MSH3: variants seen among roughly 807,000 people sequenced by gnomAD.
MSH3 encodes mutS homolog 3, also known as DNA mismatch repair protein Msh3.
MSH3 carries 106 observed loss-of-function variants against 123.3 expected under a neutral mutation model. That is an observed-to-expected ratio of 0.86 (90% CI 0.73 to 1.01). MSH3 has a LOEUF of 1.01. Among genes scored for constraint, MSH3 ranks in the 50% least tolerant of loss-of-function variants. The pLI is 0.00. For synonymous variants in MSH3, 515 were observed against 481.4 expected, an observed-to-expected ratio of 1.07 and a Z score of -0.91; for missense variants, 1,459 against 1,347.6, an observed-to-expected ratio of 1.08 and a Z score of -1.29.
At chr5:80,863,253 G>A (rs1411011997) in intron 21 of MSH3, among the ~76,000 whole-genome samples, 2 of 152,206 alleles carry the variant, frequency 1.3e-5, no homozygotes, top group African/African-American at 2.4e-5. Context: ...TCAAATATGA[G>A]TGACCATGGC....
In MSH3 at chr5:80,778,771, A is replaced by G. The variant is rs1278142628; in HGVS notation, c.2370A>G (p.Arg790=). ...CTCCTTTTATTGTAGAAAATTACAG[A>G]CATCTGAATCAGCTCCGGGAGCAGC... is the stretch of plus-strand genomic sequence containing the variant. ...FHSPFIVENY[R]HLNQLREQLV... Residue 790 remains arginine (R), a synonymous_variant, in exon 17 of 24, where the codon AGA becomes AGG. Coordinates refer to ENST00000265081, the MANE Select transcript of MSH3 (RefSeq NM_002439.5). The G allele has an allele frequency of 4.1e-5, 66 of 1,613,484 alleles. No homozygotes were observed. The highest frequency in any genetic ancestry group is 5.6e-5 in the Non-Finnish European group (66 of 1,179,512).
At chr5:80,781,750 T>C (rs1744413992) in intron 17 of MSH3, among the ~76,000 whole-genome samples, 1 of 152,110 alleles carries the variant, frequency 6.6e-6, no homozygotes. Flanking sequence ...CCCTTTGAGG[T>C]GTTTCTTTGA....
chr5:80,761,405 A>G, intron 12 of MSH3, 141 bp from the exon 13 acceptor site: 2 of 1,030,512 alleles, frequency 1.9e-6, no homozygotes, highest in Non-Finnish European at 3.0e-6. Context: ...AGTCCTTCCC[A>G]CATGACTATC....
chr5:80,692,752 A>AGATAAATATACATACACATGTATATGTTT (rs1422472057), intron 8 of MSH3, among the ~76,000 whole-genome samples: 4 of 124,650 alleles, frequency 3.2e-5, no homozygotes, highest in Non-Finnish European at 7.2e-5. Context: ...GTATATGTTT[A>AGATAAATATACATACACATGTATATGTTT]GATAAATATA....
chr5:80,854,390 G>GT (rs1471038547), intron 21 of MSH3, 74 bp downstream of exon 21: 1 of 1,384,328 alleles, frequency 7.2e-7, no homozygotes, highest in Non-Finnish European at 1.0e-6. Flanking sequence ...AGTCATAATT[G>GT]TGCCATATTT....
intron 19 of MSH3, among the ~76,000 whole-genome samples, chr5:80,796,067 A>G (rs1744694580): frequency 6.6e-6 from 1 of 152,064 alleles, no homozygotes; most frequent in Non-Finnish European, 1.5e-5. Flanking sequence ...TTTTCTTGAG[A>G]AAGTAATATA....
Position 80,743,660 on chromosome 5 carries a change from C to T in MSH3, c.1654-846C>T, listed in dbSNP as rs1390098512. 1.7e-4 allele frequency among the ~76,000 whole-genome samples: 3 copies of T among 17,202 alleles called. 1 individual carries two copies. The highest frequency in any genetic ancestry group is 3.4e-4 in the Non-Finnish European group (3 of 8,938). 11.3% of individuals were successfully genotyped at this position (17,202 alleles called of 152,430 possible). A position where few individuals can be genotyped will look rare whatever the true frequency, so the allele number is the denominator to read the frequency against. On this transcript the variant is annotated intron_variant, in intron 11 of 23. Coordinates refer to ENST00000265081, the MANE Select transcript of MSH3 (RefSeq NM_002439.5). Reference sequence around the variant, plus strand: ...GAGATCGAGACCATCCTGGCTAACACGGTGAAACCCCGTCTCTACTAAAAA... The same window carrying T: ...GAGATCGAGACCATCCTGGCTAACATGGTGAAACCCCGTCTCTACTAAAAA...
At chr5:80,765,692 G>A (rs1744110015) in intron 13 of MSH3, among the ~76,000 whole-genome samples, 1 of 152,098 alleles carries the variant, frequency 6.6e-6, no homozygotes, top group South Asian at 2.1e-4. Flanking sequence ...GTCTGGACTG[G>A]TTGTCCCCAT....
chr5:80,860,590 TTTTTTC>T (rs1286533812), intron 21 of MSH3, among the ~76,000 whole-genome samples: 2 of 152,052 alleles, frequency 1.3e-5, no homozygotes, highest in African/African-American at 4.8e-5. Context: ...TCAGTATTTT[TTTTTTC>T]TTTATCTTTG....
At chr5:80,776,928 A>ATATATT (rs71640414) in intron 16 of MSH3, among the ~76,000 whole-genome samples, 97 of 139,392 alleles carry the variant, frequency 7.0e-4, no homozygotes, top group East Asian at 6.6e-3. Flanking sequence ...ATATATATAT[A>ATATATT]TTTTTTTTTT....
At chr5:80,679,997 C>T (rs962940808) in intron 8 of MSH3, among the ~76,000 whole-genome samples, 4 of 152,024 alleles carry the variant, frequency 2.6e-5, no homozygotes, top group East Asian at 3.9e-4. Flanking sequence ...CACGGTGGCT[C>T]ACGCCTGTAA....
intron 3 of MSH3, among the ~76,000 whole-genome samples, chr5:80,666,778 G>C (rs1580547778): frequency 6.6e-6 from 1 of 152,330 alleles, no homozygotes; most frequent in South Asian, 2.1e-4. Flanking sequence ...ATGGCAAAAA[G>C]CTACTGAGTG....
intron 8 of MSH3, among the ~76,000 whole-genome samples, chr5:80,716,432 CT>C (rs1056460783): frequency 2.0e-5 from 3 of 151,538 alleles, no homozygotes; most frequent in African/African-American, 7.3e-5. Flanking sequence ...TGACAACTAT[CT>C]TTTTTTTGTT....
At chr5:80,690,565 G>A (rs143124955) in intron 8 of MSH3, among the ~76,000 whole-genome samples, 3 of 152,182 alleles carry the variant, frequency 2.0e-5, no homozygotes, top group African/African-American at 4.8e-5. Context: ...TGATCCGTCC[G>A]CCTTGGCCTC....
chr5:80,841,384 T>G (rs942550779), intron 20 of MSH3, among the ~76,000 whole-genome samples: 13 of 152,248 alleles, frequency 8.5e-5, no homozygotes, highest in African/African-American at 3.1e-4. Flanking sequence ...TGTGTCTTTA[T>G]AGCAGCATGA....
chr5:80,677,468 A>G (rs1749867878), intron 7 of MSH3, among the ~76,000 whole-genome samples: 1 of 152,172 alleles, frequency 6.6e-6, no homozygotes, highest in Non-Finnish European at 1.5e-5. Flanking sequence ...GTTTTTGTAA[A>G]TGCTTGGTTT....
chr5:80,832,041 C>T (rs977323066), intron 20 of MSH3, among the ~76,000 whole-genome samples: 17 of 152,030 alleles, frequency 1.1e-4, no homozygotes, highest in African/African-American at 3.1e-4. Context: ...ACCCGGGAGG[C>T]GGAGCTTGCA....
intron 2 of MSH3, among the ~76,000 whole-genome samples, chr5:80,664,889 AC>A: frequency 6.6e-6 from 1 of 152,190 alleles, no homozygotes; most frequent in East Asian, 1.9e-4. Flanking sequence ...TCAAAAAAAA[AC>A]AAAAACAAAA....
At chr5:80,658,769 A>G (rs1197845001) in intron 2 of MSH3, among the ~76,000 whole-genome samples, 4 of 139,494 alleles carry the variant, frequency 2.9e-5, no homozygotes, top group Non-Finnish European at 1.6e-5. Flanking sequence ...TTAAAAATAT[A>G]TATATTTTTT....
Sources: gnomAD v4.1 joint callset for allele counts (sites outside exome capture counted in the v4.1 genomes callset) on GRCh38, gnomAD v4.1.1 for gene constraint, MANE v1.5 for transcripts, NCBI Gene and HGNC (gene_info 2026-07-23, HGNC 2026-07-21) for gene names.